MYOF: variants seen among roughly 807,000 people sequenced by gnomAD.
MYOF encodes the protein fer-1-like 3, myoferlin.
MYOF carries 244 observed loss-of-function variants against 284.2 expected under a neutral mutation model. The ratio of observed to expected loss-of-function variants is 0.86; its 90% CI spans 0.77 to 0.95. The LOEUF is 0.95. Ranked by LOEUF, MYOF falls within the 40% of genes least tolerant of loss-of-function variation. The pLI is 0.00. For synonymous variants in MYOF, 904 were observed against 919.7 expected, an observed-to-expected ratio of 0.98 and a Z score of 0.31; for missense variants, 2,496 against 2,560.6, an observed-to-expected ratio of 0.97 and a Z score of 0.54.
chr10:93,425,111 T>G (rs1490516509), intron 5 of MYOF, among the ~76,000 whole-genome samples: 1 of 151,802 alleles, frequency 6.6e-6, no homozygotes, highest in African/African-American at 2.4e-5. Flanking sequence ...GCCAATTTTT[T>G]TGAATTCTTA....
rs540527007 is a variant in MYOF at position 93,457,997 on chromosome 10, G to GCCA, written c.89-1061_89-1060insTGG. The stretch of plus-strand genomic sequence containing the variant: ...GAGCTCAAGTGATCCACCTGCCTCA[G>GCCA]CCTCCCAAAGTGCTGGGATTACAGG... On this transcript the variant is annotated intron_variant, in intron 1 of 53. Transcript: ENST00000359263. Among the ~76,000 whole-genome samples the GCCA allele has an allele frequency of 9.6e-3, 1,458 of 151,526 alleles. 24 individuals are homozygous for GCCA. Among genetic ancestry groups the GCCA allele is most frequent in the African/African-American group, 0.034 (1,395 of 41,256 alleles).
chr10:93,397,275 C>A lies in MYOF; in HGVS notation c.1306G>T (p.Glu436Ter). ...TCATATATTGTTAGTTTTATTTTTT[C>A]ACACACTGAAGGAAACTAAAAAAAT... ...NLQIKFPSVC[E>*]KIKLTIYDWD... Residue 436 changes from glutamate to a stop codon, truncating the protein, a stop_gained, in exon 15 of 54, where the codon GAA (glutamate) becomes TAA (stop). Coordinates refer to ENST00000359263, the MANE Select transcript of MYOF (RefSeq NM_013451.4). LOFTEE classifies it high-confidence loss of function. 6.3e-7 allele frequency: 1 copy of A among 1,598,522 alleles called. No homozygotes were observed. The highest frequency in any genetic ancestry group is 8.5e-7 in the Non-Finnish European group (1 of 1,169,736).
chr10:93,407,071 G>A (rs1774718), intron 7 of MYOF, among the ~76,000 whole-genome samples: 82,870 of 151,920 alleles, frequency 0.55, 26,937 homozygotes, highest in South Asian at 0.71. Flanking sequence ...TGAGATGATT[G>A]TCAAGGTATC....
At chr10:93,453,284 G>C (rs1347736518) in intron 2 of MYOF, among the ~76,000 whole-genome samples, 3 of 152,094 alleles carry the variant, frequency 2.0e-5, no homozygotes, top group Non-Finnish European at 1.5e-5. Flanking sequence ...TCCTGTCTCA[G>C]CCTCCCGAAT....
intron 17 of MYOF, among the ~76,000 whole-genome samples, chr10:93,389,785 T>A (rs982854590): frequency 6.6e-6 from 1 of 152,118 alleles, no homozygotes; most frequent in Non-Finnish European, 1.5e-5. Flanking sequence ...AACTCCTCAA[T>A]GAAGGGCACT....
intron 49 of MYOF, among the ~76,000 whole-genome samples, chr10:93,318,280 G>A (rs1842703845): frequency 6.6e-6 from 1 of 151,982 alleles, no homozygotes; most frequent in African/African-American, 2.4e-5. Context: ...AATTAGCCAG[G>A]CATGGTGATG....
chr10:93,465,533 C>CTTT (rs753278804), intron 1 of MYOF, among the ~76,000 whole-genome samples: 13 of 53,232 alleles, frequency 2.4e-4, no homozygotes, highest in African/African-American at 4.8e-4. Context: ...TCTTTTTTTT[C>CTTT]TTTTCTTTTT....
At chr10:93,431,746 C>CTTT (rs35400002) in intron 3 of MYOF, among the ~76,000 whole-genome samples, 12,756 of 131,662 alleles carry the variant, frequency 0.097, 807 homozygotes, top group Non-Finnish European at 0.15. Context: ...TCTTTCTTTT[C>CTTT]TTTTTTTTTT....
At chr10:93,456,242 T>C (rs1465291324) in intron 2 of MYOF, among the ~76,000 whole-genome samples, 1 of 152,222 alleles carries the variant, frequency 6.6e-6, no homozygotes, top group African/African-American at 2.4e-5. Flanking sequence ...TATATGCTGC[T>C]AGTTTGTGTT....
intron 48 of MYOF, among the ~76,000 whole-genome samples, chr10:93,320,440 T>C (rs1842801114): frequency 6.6e-6 from 1 of 152,194 alleles, no homozygotes; most frequent in Non-Finnish European, 1.5e-5. Flanking sequence ...TCCTTTCCCA[T>C]ATTTTACTTA....
chr10:93,360,289 G>A (rs1845006460), intron 28 of MYOF, among the ~76,000 whole-genome samples: 1 of 152,230 alleles, frequency 6.6e-6, no homozygotes. Context: ...CAGCAGGTAA[G>A]CGTGTGGACT....
chr10:93,369,691 T>C lies in MYOF; in HGVS notation c.2543A>G (p.Lys848Arg). Residue 848 changes from lysine to arginine, a missense_variant, in exon 25 of 54, where the codon AAG (lysine) becomes AGG (arginine). Around this residue, in one of 3 missense-constraint regions of MYOF, gnomAD observed 2,436 missense variants for 2,480.7 expected, o/e 0.98. Transcript: ENST00000359263. ...IWLGLSAVEK[K>R]FNSFAEGTFT... ...AGTTCCTTCTGCGAAGCTGTTAAACTTCTTCTCCACAGCACTTAAGCCTAG... is the reference window on the plus strand; with the variant it reads ...AGTTCCTTCTGCGAAGCTGTTAAACCTCTTCTCCACAGCACTTAAGCCTAG... 6.2e-7 allele frequency: 1 copy of C among 1,614,208 alleles called. No homozygotes were observed. The highest frequency in any genetic ancestry group is 8.5e-7 in the Non-Finnish European group (1 of 1,180,016).
At chr10:93,459,307 C>A (rs1405943640) in intron 1 of MYOF, among the ~76,000 whole-genome samples, 2 of 152,186 alleles carry the variant, frequency 1.3e-5, no homozygotes, top group Admixed American at 1.3e-4. Context: ...AGGAGACATG[C>A]AAAGAATTTT....
chr10:93,356,065 A>G (rs1564644961), intron 30 of MYOF, among the ~76,000 whole-genome samples: 1 of 152,176 alleles, frequency 6.6e-6, no homozygotes, highest in Non-Finnish European at 1.5e-5. Context: ...TAAGGAAGAG[A>G]AAGAGCAGCA....
intron 28 of MYOF, 45 bp downstream of exon 28, chr10:93,361,407 G>A (rs570108934): frequency 1.9e-6 from 3 of 1,578,862 alleles, no homozygotes; most frequent in Admixed American, 3.4e-5. Flanking sequence ...GTTAACCAAG[G>A]CCCTGCTGCA....
rs1450950177 is a variant in MYOF, at chr10:93,477,084, G to A, written c.88+5023C>T. On this transcript the variant is annotated intron_variant, in intron 1 of 53. Coordinates refer to ENST00000359263, the MANE Select transcript of MYOF (RefSeq NM_013451.4). Reference sequence around the variant, plus strand: ...ATTGTAAAGGCACAATAATATAAAAGTATGCAAGAAAACCTCCGCTCAATC... The same window carrying A: ...ATTGTAAAGGCACAATAATATAAAAATATGCAAGAAAACCTCCGCTCAATC... 3.9e-5 allele frequency among the ~76,000 whole-genome samples: 6 copies of A among 152,184 alleles called. No homozygotes were observed. The East Asian group carries it at 9.6e-4, about 24-fold the overall frequency.
At chr10:93,428,893 C>CTG (rs1217287919) in intron 4 of MYOF, among the ~76,000 whole-genome samples, 1 of 152,194 alleles carries the variant, frequency 6.6e-6, no homozygotes, top group Non-Finnish European at 1.5e-5. Flanking sequence ...GGTTTTCATG[C>CTG]TGTGTTCTAT....
At chr10:93,401,048 T>G (rs1847269583) in intron 12 of MYOF, among the ~76,000 whole-genome samples, 1 of 152,014 alleles carries the variant, frequency 6.6e-6, no homozygotes, top group Admixed American at 6.5e-5. Context: ...TATAGCTGGA[T>G]AGCAAACACC....
intron 4 of MYOF, among the ~76,000 whole-genome samples, chr10:93,426,676 GTCAGGAGT>G (rs1023012601): frequency 1.4e-4 from 21 of 152,118 alleles, no homozygotes; most frequent in Non-Finnish European, 2.5e-4. Context: ...ATCACCTGAG[GTCAGGAGT>G]TCGACACCAA....
Sources: allele counts gnomAD v4.1 joint callset (sites outside exome capture counted in the v4.1 genomes callset), GRCh38; gene constraint gnomAD v4.1.1; regional missense constraint gnomAD v4.1.1; transcripts MANE v1.5; gene names NCBI Gene and HGNC (gene_info 2026-07-23, HGNC 2026-07-21).